The following LCLAT1 variants were observed in gnomAD, a reference collection of about 807,000 sequenced individuals.
The protein encoded by LCLAT1 is lysocardiolipin acyltransferase 1.
LCLAT1 carries 11 observed loss-of-function variants against 30.7 expected under a neutral mutation model. That is an observed-to-expected ratio of 0.36 (90% CI 0.23 to 0.59). LCLAT1 has a LOEUF of 0.59. Among genes scored for constraint, LCLAT1 ranks in the 20% least tolerant of loss-of-function variants. The pLI, the probability that LCLAT1 is intolerant of heterozygous loss-of-function variation, is 0.77. For synonymous variants in LCLAT1, 155 were observed against 151.3 expected (o/e 1.02, Z -0.18); for missense variants, 402 against 458.6 (o/e 0.88, Z 1.13).
chr2:30,597,188 C>T (rs181683840), intron 5 of LCLAT1, among the ~76,000 whole-genome samples: 44 of 151,168 alleles, frequency 2.9e-4, no homozygotes, highest in African/African-American at 7.8e-4. Context: ...AGAATGTCAA[C>T]GGCAGTTTAA....
chr2:30,628,937 TGATA>T (rs923596861), intron 5 of LCLAT1, among the ~76,000 whole-genome samples: 2 of 152,120 alleles, frequency 1.3e-5, no homozygotes, highest in African/African-American at 4.8e-5. Context: ...TGAAGTCAAT[TGATA>T]GATAATGGAT....
chr2:30,593,671 A>G (rs917395548), intron 5 of LCLAT1, among the ~76,000 whole-genome samples: 2 of 152,202 alleles, frequency 1.3e-5, no homozygotes, highest in African/African-American at 4.8e-5. Context: ...AATAAACTAT[A>G]CTTGAAGTAA....
At chr2:30,595,367 A>C (rs1193707817) in intron 5 of LCLAT1, among the ~76,000 whole-genome samples, 5 of 152,004 alleles carry the variant, frequency 3.3e-5, no homozygotes, top group African/African-American at 1.2e-4. Context: ...ATTCATTCAG[A>C]TCACTAATGT....
intron 5 of LCLAT1, among the ~76,000 whole-genome samples, chr2:30,580,096 A>G (rs1421416921): frequency 1.3e-5 from 2 of 152,144 alleles, no homozygotes; most frequent in Admixed American, 6.6e-5. Flanking sequence ...TATAGTAGGA[A>G]AAGACTGTGA....
intron 1 of LCLAT1, among the ~76,000 whole-genome samples, chr2:30,460,661 C>T (rs1682072355): frequency 6.6e-6 from 1 of 152,112 alleles, no homozygotes; most frequent in South Asian, 2.1e-4. Flanking sequence ...ACAAGAGTCT[C>T]TTTTGACCAC....
At chr2:30,465,379 G>T (rs999842534) in intron 1 of LCLAT1, among the ~76,000 whole-genome samples, 1 of 152,168 alleles carries the variant, frequency 6.6e-6, no homozygotes, top group African/African-American at 2.4e-5. Flanking sequence ...TTTGGAGGGA[G>T]TGTGACCTTG....
At chr2:30,473,473 TG>T (rs1334831908) in intron 1 of LCLAT1, among the ~76,000 whole-genome samples, 1 of 152,182 alleles carries the variant, frequency 6.6e-6, no homozygotes, top group African/African-American at 2.4e-5. Flanking sequence ...CTCTTTAATT[TG>T]GTTATCAACA....
chr2:30,577,249 A>G (rs1369339128), intron 5 of LCLAT1, among the ~76,000 whole-genome samples: 1 of 152,056 alleles, frequency 6.6e-6, no homozygotes, highest in East Asian at 1.9e-4. Context: ...TAAGTTGGCT[A>G]CTCGGCACTG....
At position 30,504,497 on chromosome 2, in the gene LCLAT1, T is replaced by C. The variant is rs980909711; in HGVS notation, c.-4-21090T>C. 3.3e-5 allele frequency among the ~76,000 whole-genome samples: 5 copies of C among 149,336 alleles called. No homozygotes were observed. In the East Asian group the frequency reaches 9.7e-4, roughly 29 times the overall value. ...ATACTTTTATCATTCCTATCTCAATTTATGTTTTCAGTCTTTCTAACTTGT... is the reference window on the plus strand; with the variant it reads ...ATACTTTTATCATTCCTATCTCAATCTATGTTTTCAGTCTTTCTAACTTGT... On this transcript the variant is annotated intron_variant, in intron 1 of 5. Transcript: ENST00000379509.
chr2:30,554,392 C>T (rs1252755962), intron 3 of LCLAT1, among the ~76,000 whole-genome samples: 3 of 152,132 alleles, frequency 2.0e-5, no homozygotes, highest in Non-Finnish European at 4.4e-5. Context: ...AGAATATAAA[C>T]TATGTGTAAT....
At chr2:30,633,349 T>G (rs1409488154) in intron 5 of LCLAT1, among the ~76,000 whole-genome samples, 1 of 152,178 alleles carries the variant, frequency 6.6e-6, no homozygotes, top group African/African-American at 2.4e-5. Flanking sequence ...GAAAATAGAT[T>G]TTTATTTTAA....
At chr2:30,574,952 A>G (rs1213316424) in intron 5 of LCLAT1, among the ~76,000 whole-genome samples, 1 of 152,180 alleles carries the variant, frequency 6.6e-6, no homozygotes, top group Non-Finnish European at 1.5e-5. Flanking sequence ...ATCCTCTGCA[A>G]TGCTTGCACA....
chr2:30,618,847 T>TA (rs528681755), intron 5 of LCLAT1, among the ~76,000 whole-genome samples: 1 of 152,350 alleles, frequency 6.6e-6, no homozygotes, highest in African/African-American at 2.4e-5. Context: ...AAGGATTCTC[T>TA]ACATCATAGT....
intron 1 of LCLAT1, among the ~76,000 whole-genome samples, chr2:30,476,929 A>G (rs1386913467): frequency 6.6e-6 from 1 of 152,232 alleles, no homozygotes; most frequent in Non-Finnish European, 1.5e-5. Flanking sequence ...TTCTCTTATT[A>G]GCTTCAGTCA....
chr2:30,511,113 T>C (rs1173386600), intron 1 of LCLAT1, among the ~76,000 whole-genome samples: 1 of 152,124 alleles, frequency 6.6e-6, no homozygotes, highest in Non-Finnish European at 1.5e-5. Flanking sequence ...TAATAAAAAA[T>C]GGGTGATTTA....
intron 1 of LCLAT1, among the ~76,000 whole-genome samples, chr2:30,461,944 T>C (rs2148274657): frequency 6.6e-6 from 1 of 151,380 alleles, no homozygotes; most frequent in East Asian, 2.0e-4. Context: ...CTAATTTTTT[T>C]GTGTTTTTTA....
In LCLAT1 at chr2:30,640,482, G is replaced by C. The variant is rs1472254706; in HGVS notation, c.994G>C (p.Val332Leu). 1 of 1,614,130 alleles carries C rather than the reference G, an allele frequency of 6.2e-7. No homozygotes were observed. The part of the protein sequence containing the change: ...MCLLIYLYSL[V>L]KWYFIITIVI... ...CCTACTCATATATTTGTACAGTCTT[G>C]TTAAGTGGTATTTTATAATCACCAT... The change falls in exon 6 of 6, where the codon GTT becomes CTT. Residue 332 changes from valine (V) to leucine (L), a missense_variant. Coordinates refer to ENST00000379509, the MANE Select transcript of LCLAT1 (RefSeq NM_001002257.3).
intron 1 of LCLAT1, among the ~76,000 whole-genome samples, chr2:30,495,914 G>A (rs1169116359): frequency 6.6e-6 from 1 of 152,158 alleles, no homozygotes; most frequent in Admixed American, 6.5e-5. Context: ...ATTGGGGTCT[G>A]TATTAGTCTG....
At position 30,599,478 on chromosome 2, in the gene LCLAT1, A is replaced by G. The variant is rs1667082056; in HGVS notation, c.628+31302A>G. Among the ~76,000 whole-genome samples the G allele has an allele frequency of 2.0e-5, 3 of 152,220 alleles. No homozygotes were observed. The South Asian group carries it at 6.2e-4, about 31-fold the overall frequency. Reference sequence around the variant, plus strand: ...GTGGTGGAGAGTTCTGTAGATATCTATCAGATCCACTTGATCTAGAGCTGA... The same window carrying G: ...GTGGTGGAGAGTTCTGTAGATATCTGTCAGATCCACTTGATCTAGAGCTGA... On this transcript the variant is annotated intron_variant, in intron 5 of 5. Transcript: ENST00000379509.
Sources: allele counts gnomAD v4.1 joint callset (sites outside exome capture counted in the v4.1 genomes callset), GRCh38; gene constraint gnomAD v4.1.1; transcripts MANE v1.5; gene names NCBI Gene and HGNC (gene_info 2026-07-23, HGNC 2026-07-21).